Variants in SLC24A3 observed in about 807,000 individuals in gnomAD.
SLC24A3 encodes the protein solute carrier family 24 member 3.
In SLC24A3, 28 loss-of-function variants were observed where a neutral mutation model predicts 75.8. That is an observed-to-expected ratio of 0.37 (90% CI 0.27 to 0.51). The LOEUF is 0.51. Among genes scored for constraint, SLC24A3 ranks in the 20% least tolerant of loss-of-function variants. The pLI is 0.94. For synonymous variants in SLC24A3, 372 were observed against 334.1 expected, an observed-to-expected ratio of 1.11 and a Z score of -1.24; for missense variants, 663 against 847.8, an observed-to-expected ratio of 0.78 and a Z score of 2.71.
intron 8 of SLC24A3, among the ~76,000 whole-genome samples, chr20:19,672,705 C>T (rs1435317361): frequency 6.6e-6 from 1 of 152,166 alleles, no homozygotes; most frequent in Non-Finnish European, 1.5e-5. Flanking sequence ...TATTTTATAA[C>T]CACCTGGCTT....
chr20:19,362,460 C>T (rs994478606), intron 2 of SLC24A3, among the ~76,000 whole-genome samples: 5 of 152,310 alleles, frequency 3.3e-5, no homozygotes, highest in African/African-American at 1.2e-4. Flanking sequence ...AAAACACAGG[C>T]TTCTTATAGG....
chr20:19,636,108 TC>T (rs1302455305), intron 6 of SLC24A3, among the ~76,000 whole-genome samples: 8 of 151,746 alleles, frequency 5.3e-5, no homozygotes, highest in African/African-American at 1.9e-4. Context: ...CCACTGCACT[TC>T]AGCCTGGGCG....
chr20:19,621,217 T>A (rs1325318090), intron 6 of SLC24A3, among the ~76,000 whole-genome samples: 1 of 152,216 alleles, frequency 6.6e-6, no homozygotes, highest in Non-Finnish European at 1.5e-5. Context: ...TTCCTCTTTG[T>A]GCAGCAGTCA....
chr20:19,649,938 C>G (rs2032182031), intron 6 of SLC24A3, among the ~76,000 whole-genome samples: 2 of 152,272 alleles, frequency 1.3e-5, no homozygotes, highest in African/African-American at 4.8e-5. Flanking sequence ...GATACAGAAC[C>G]CTTCTAAACC....
chr20:19,664,148 A>G (rs2032370545), intron 7 of SLC24A3, among the ~76,000 whole-genome samples: 1 of 152,242 alleles, frequency 6.6e-6, no homozygotes, highest in East Asian at 1.9e-4. Context: ...GCAAGGACTA[A>G]TATTGAATTA....
chr20:19,693,065 A>T, intron 12 of SLC24A3, 194 bp from the exon 13 acceptor site: 5 of 550,684 alleles, frequency 9.1e-6, no homozygotes, highest in African/African-American at 1.9e-5. Context: ...TTTTTTTTTT[A>T]ATTCTGTTTG....
chr20:19,645,716 A>G (rs1426642103), intron 6 of SLC24A3, among the ~76,000 whole-genome samples: 1 of 152,204 alleles, frequency 6.6e-6, no homozygotes, highest in Non-Finnish European at 1.5e-5. Flanking sequence ...TCAACTAACA[A>G]GAAACAAAGA....
intron 15 of SLC24A3, among the ~76,000 whole-genome samples, chr20:19,704,692 G>A (rs1203957420): frequency 2.0e-5 from 3 of 152,174 alleles, no homozygotes; most frequent in Admixed American, 2.0e-4. Context: ...AGTGACAAGA[G>A]CCAGCCATGG....
chr20:19,618,642 C>T (rs1437056119), intron 6 of SLC24A3, among the ~76,000 whole-genome samples: 1 of 152,162 alleles, frequency 6.6e-6, no homozygotes, highest in Non-Finnish European at 1.5e-5. Context: ...TGACCTTAAC[C>T]AAGTGCTTTT....
chr20:19,586,953 G>C (rs1486575941), intron 6 of SLC24A3, among the ~76,000 whole-genome samples: 2 of 152,196 alleles, frequency 1.3e-5, no homozygotes, highest in Non-Finnish European at 2.9e-5. Context: ...CATAAATGTA[G>C]TTAGTATTTT....
At chr20:19,490,480 A>G (rs1268052523) in intron 2 of SLC24A3, among the ~76,000 whole-genome samples, 2 of 152,154 alleles carry the variant, frequency 1.3e-5, no homozygotes, top group African/African-American at 4.8e-5. Flanking sequence ...CCAAGTTACC[A>G]TGTGCATCAT....
intron 15 of SLC24A3, among the ~76,000 whole-genome samples, chr20:19,715,302 G>A (rs930712330): frequency 6.6e-6 from 1 of 152,242 alleles, no homozygotes; most frequent in African/African-American, 2.4e-5. Flanking sequence ...GCTGATGAAA[G>A]TAGGAAAGTC....
chr20:19,610,991 C>T (rs920074178), intron 6 of SLC24A3, among the ~76,000 whole-genome samples: 27 of 152,222 alleles, frequency 1.8e-4, no homozygotes, highest in Admixed American at 1.3e-4. Context: ...TGCCACACAC[C>T]ACATCACAGA....
intron 6 of SLC24A3, among the ~76,000 whole-genome samples, chr20:19,651,165 T>C (rs905395417): frequency 3.3e-5 from 5 of 152,024 alleles, no homozygotes; most frequent in Non-Finnish European, 5.9e-5. Context: ...GAGTACATTC[T>C]CCAGTAGCTT....
intron 2 of SLC24A3, among the ~76,000 whole-genome samples, chr20:19,284,839 C>T (rs999529923): frequency 3.9e-5 from 6 of 152,202 alleles, no homozygotes; most frequent in African/African-American, 1.2e-4. Flanking sequence ...ATTACCATTT[C>T]CTCACCTACA....
chr20:19,257,981 C>G (rs192733443), intron 1 of SLC24A3, among the ~76,000 whole-genome samples: 17 of 152,364 alleles, frequency 1.1e-4, no homozygotes, highest in Admixed American at 3.3e-4. Flanking sequence ...ACACGCATCA[C>G]TGTGCCCAGC....
chr20:19,276,919 A>G (rs1983506418), intron 1 of SLC24A3, among the ~76,000 whole-genome samples: 1 of 151,550 alleles, frequency 6.6e-6, no homozygotes, highest in Non-Finnish European at 1.5e-5. Flanking sequence ...AAAATTGACC[A>G]CTCTTATATA....
chr20:19,491,934 A>G (rs892165796), intron 2 of SLC24A3, among the ~76,000 whole-genome samples: 1 of 151,930 alleles, frequency 6.6e-6, no homozygotes, highest in African/African-American at 2.4e-5. Context: ...TGGGCAGGGC[A>G]GCAGTGTCAT....
At chr20:19,271,027 C>G (rs1363242646) in intron 1 of SLC24A3, among the ~76,000 whole-genome samples, 1 of 152,112 alleles carries the variant, frequency 6.6e-6, no homozygotes, top group African/African-American at 2.4e-5. Context: ...TGAGCTTGGG[C>G]CCTTGAAATA....
Sources: allele counts gnomAD v4.1 joint callset (sites outside exome capture counted in the v4.1 genomes callset), GRCh38; gene constraint gnomAD v4.1.1; transcripts MANE v1.5; gene names NCBI Gene and HGNC (gene_info 2026-07-23, HGNC 2026-07-21).